RPGRIP1L: variants seen among roughly 807,000 people sequenced by gnomAD.
The protein encoded by RPGRIP1L is protein fantom.
Under a neutral mutation model 160.4 loss-of-function variants are expected in RPGRIP1L, and 131 were observed. The ratio of observed to expected loss-of-function variants is 0.82; its 90% CI spans 0.71 to 0.94. The LOEUF is 0.94. Ranked by LOEUF, RPGRIP1L falls within the 40% of genes least tolerant of loss-of-function variation. The pLI is 0.00. For synonymous variants in RPGRIP1L, 510 were observed against 515.8 expected (o/e 0.99, Z 0.15); for missense variants, 1,522 against 1,535.8 (o/e 0.99, Z 0.15).
chr16:53,679,600 C>T (rs963292891), intron 6 of RPGRIP1L, among the ~76,000 whole-genome samples: 1 of 137,524 alleles, frequency 7.3e-6, no homozygotes, highest in Admixed American at 7.3e-5. Context: ...TTTCAGAAAG[C>T]CCAATAAGAA....
At chr16:53,640,004 A>G (rs1966099450) in intron 19 of RPGRIP1L, among the ~76,000 whole-genome samples, 1 of 152,224 alleles carries the variant, frequency 6.6e-6, no homozygotes, top group Admixed American at 6.5e-5. Flanking sequence ...TATGTAAGTT[A>G]TATGTGAATT....
chr16:53,642,208 G>A (rs1966265365), intron 17 of RPGRIP1L, among the ~76,000 whole-genome samples: 1 of 151,360 alleles, frequency 6.6e-6, no homozygotes, highest in South Asian at 2.1e-4. Flanking sequence ...AAATAGACAG[G>A]TTCTCACTAC....
chr16:53,641,896 G>T (rs1223794938), intron 17 of RPGRIP1L, among the ~76,000 whole-genome samples: 1 of 151,900 alleles, frequency 6.6e-6, no homozygotes, highest in Non-Finnish European at 1.5e-5. Context: ...TGTCTCTAAA[G>T]AAAAATATAT....
intron 22 of RPGRIP1L, among the ~76,000 whole-genome samples, chr16:53,634,633 A>G (rs907115466): frequency 1.3e-5 from 2 of 152,058 alleles, no homozygotes; most frequent in Admixed American, 1.3e-4. Context: ...TGTTATAAAG[A>G]ACCTGGCAAC....
chr16:53,696,800 C>G (rs1045244321), intron 2 of RPGRIP1L, among the ~76,000 whole-genome samples: 2 of 152,136 alleles, frequency 1.3e-5, no homozygotes, highest in Non-Finnish European at 2.9e-5. Flanking sequence ...CATTTAAAAG[C>G]TTCACAAATA....
intron 10 of RPGRIP1L, chr16:53,659,253 T>C (rs1362542723): frequency 2.2e-6 from 2 of 911,200 alleles, no homozygotes; most frequent in Non-Finnish European, 2.6e-6. Context: ...AAAAAAATTG[T>C]CTTTTAGTTT....
At chr16:53,691,564 T>A (rs1288057382) in intron 4 of RPGRIP1L, among the ~76,000 whole-genome samples, 8 of 152,204 alleles carry the variant, frequency 5.3e-5, no homozygotes, top group Admixed American at 3.3e-4. Context: ...TTGTCTAAGG[T>A]CACCAGCCAG....
chr16:53,692,316 C>G lies in RPGRIP1L; in HGVS notation c.279G>C (p.Glu93Asp), dbSNP rs762264695. ...IRLVNDKKRYERVGGGPKRLG... is the reference protein window; with the variant it reads ...IRLVNDKKRYDRVGGGPKRLG... ...GCCGCTTGGGGCCGCCACCAACCCG[C>G]TCATATCTTTTCTTGTCATTAACTA... The change falls in exon 4 of 27, where the codon GAG becomes GAC. Residue 93 changes from glutamate (E) to aspartate (D), a missense_variant. Transcript: ENST00000647211. 18 of 1,614,014 alleles carry G rather than the reference C, an allele frequency of 1.1e-5. No homozygotes were observed. The African/African-American group carries it at 1.9e-4, about 17-fold the overall frequency.
intron 9 of RPGRIP1L, among the ~76,000 whole-genome samples, chr16:53,668,812 T>G (rs548252783): frequency 6.6e-6 from 1 of 152,144 alleles, no homozygotes; most frequent in African/African-American, 2.4e-5. Context: ...AATTGAACAT[T>G]TATTAAAGTT....
chr16:53,688,732 C>G (rs965080922), intron 4 of RPGRIP1L, among the ~76,000 whole-genome samples: 5 of 151,776 alleles, frequency 3.3e-5, no homozygotes, highest in Non-Finnish European at 7.4e-5. Context: ...ACTTTTTAAA[C>G]GTGAGATTTC....
intron 26 of RPGRIP1L, among the ~76,000 whole-genome samples, 183 bp from the exon 27 acceptor site, chr16:53,602,371 C>T (rs571234405): frequency 8.5e-5 from 13 of 152,132 alleles, no homozygotes; most frequent in South Asian, 2.1e-4. Flanking sequence ...GCATTTGAGA[C>T]GTACCGCATG....
At chr16:53,696,023 G>A in intron 3 of RPGRIP1L, 128 bp downstream of exon 3, 1 of 893,512 alleles carries the variant, frequency 1.1e-6, no homozygotes, top group Non-Finnish European at 1.8e-6. Context: ...TTTAAAAATT[G>A]TACTTATTTA....
intron 15 of RPGRIP1L, among the ~76,000 whole-genome samples, chr16:53,650,219 A>G (rs1966840900): frequency 6.6e-6 from 1 of 152,088 alleles, no homozygotes; most frequent in African/African-American, 2.4e-5. Context: ...CCATTATAAC[A>G]GGCCGAGATT....
At chr16:53,637,036 G>A (rs1407735624) in intron 21 of RPGRIP1L, among the ~76,000 whole-genome samples, 1 of 151,618 alleles carries the variant, frequency 6.6e-6, no homozygotes, top group Non-Finnish European at 1.5e-5. Flanking sequence ...CCCAGGCTGG[G>A]GTACAGTGGC....
chr16:53,658,997 A>C, intron 10 of RPGRIP1L, 119 bp from the exon 11 acceptor site: 1 of 773,774 alleles, frequency 1.3e-6, no homozygotes, highest in Non-Finnish European at 2.2e-6. Context: ...TCTGGTCAGA[A>C]AGGAAACTGA....
At chr16:53,674,947 A>G (rs535739467) in intron 7 of RPGRIP1L, 70 bp downstream of exon 7, 41 of 1,045,288 alleles carry the variant, frequency 3.9e-5, no homozygotes, top group Non-Finnish European at 5.5e-5. Flanking sequence ...TGTTAAAAAA[A>G]CAACTTGAAT....
intron 6 of RPGRIP1L, among the ~76,000 whole-genome samples, chr16:53,676,547 C>G (rs1254042254): frequency 6.6e-6 from 1 of 152,096 alleles, no homozygotes; most frequent in Non-Finnish European, 1.5e-5. Context: ...TATGTAAGGA[C>G]AGAATGTGAT....
intron 5 of RPGRIP1L, 115 bp from the exon 6 acceptor site, chr16:53,686,691 G>A: frequency 1.0e-6 from 1 of 979,906 alleles, no homozygotes; most frequent in South Asian, 1.4e-5. Context: ...AAAAAATTTA[G>A]CTTAAGTGCC....
At chr16:53,633,746 T>C (rs944765169) in intron 22 of RPGRIP1L, among the ~76,000 whole-genome samples, 1 of 152,214 alleles carries the variant, frequency 6.6e-6, no homozygotes, top group African/African-American at 2.4e-5. Flanking sequence ...ATGTGCACTA[T>C]ATGCATATAT....
Sources: gnomAD v4.1 joint callset for allele counts (sites outside exome capture counted in the v4.1 genomes callset) on GRCh38, gnomAD v4.1.1 for gene constraint, MANE v1.5 for transcripts, NCBI Gene and HGNC (gene_info 2026-07-23, HGNC 2026-07-21) for gene names.